Variants in GRID1 observed in about 807,000 individuals in gnomAD.
The protein encoded by GRID1 is glutamate receptor ionotropic, delta-1.
In GRID1, 28 loss-of-function variants were observed where a neutral mutation model predicts 98.0. That is an observed-to-expected ratio of 0.29 (90% CI 0.21 to 0.39). The LOEUF (loss-of-function observed/expected upper bound fraction) is 0.39, where lower values mean the gene tolerates loss of function less well. Among genes scored for constraint, GRID1 ranks in the 10% least tolerant of loss-of-function variants. The probability of loss-of-function intolerance (pLI) is 1.00; values close to 1 mark genes in which losing one functional copy is unlikely to be tolerated. For missense variants in GRID1, 1,111 were observed against 1,340.5 expected, an observed-to-expected ratio of 0.83 and a Z score of 2.67; for synonymous variants, 553 against 538.5, an observed-to-expected ratio of 1.03 and a Z score of -0.37.
At chr10:86,159,858 G>A (rs879460362) in intron 3 of GRID1, among the ~76,000 whole-genome samples, 7 of 152,106 alleles carry the variant, frequency 4.6e-5, no homozygotes, top group Admixed American at 2.6e-4. Flanking sequence ...GGATTCTTAC[G>A]AGAATTAAAT....
intron 8 of GRID1, among the ~76,000 whole-genome samples, chr10:85,787,507 C>T (rs894005944): frequency 1.3e-5 from 2 of 152,154 alleles, no homozygotes; most frequent in Non-Finnish European, 2.9e-5. Flanking sequence ...CTCATCCCTC[C>T]CACAGGAACT....
chr10:86,063,628 C>CT (rs1843678665), intron 4 of GRID1, among the ~76,000 whole-genome samples: 1 of 152,158 alleles, frequency 6.6e-6, no homozygotes. Context: ...GTAAGATATA[C>CT]TTTGCAGCTT....
At chr10:85,877,327 G>A (rs1471912598) in intron 5 of GRID1, among the ~76,000 whole-genome samples, 13 of 152,346 alleles carry the variant, frequency 8.5e-5, no homozygotes, top group South Asian at 8.3e-4. Flanking sequence ...CCTGACCCCC[G>A]AGCAGCCTAA....
chr10:85,793,186 T>C (rs1304378264), intron 8 of GRID1, among the ~76,000 whole-genome samples: 2 of 152,312 alleles, frequency 1.3e-5, no homozygotes, highest in East Asian at 3.9e-4. Flanking sequence ...CGAAATCCAC[T>C]GCCTCAACCA....
At chr10:86,329,313 C>G (rs956878502) in intron 2 of GRID1, among the ~76,000 whole-genome samples, 1 of 152,206 alleles carries the variant, frequency 6.6e-6, no homozygotes, top group Non-Finnish European at 1.5e-5. Flanking sequence ...ATGGGCCCTC[C>G]TCTAGGGCCC....
intron 2 of GRID1, among the ~76,000 whole-genome samples, chr10:86,299,904 C>T (rs1847656980): frequency 6.6e-6 from 1 of 152,160 alleles, no homozygotes; most frequent in Non-Finnish European, 1.5e-5. Flanking sequence ...CTTTCCAATC[C>T]CCTGCCTGGA....
chr10:86,147,978 T>A (rs1275110212), intron 3 of GRID1, among the ~76,000 whole-genome samples: 1 of 152,158 alleles, frequency 6.6e-6, no homozygotes, highest in African/African-American at 2.4e-5. Flanking sequence ...TTCCTCCCCA[T>A]GGAAAGCACA....
At chr10:85,912,964 T>A (rs528424597) in intron 5 of GRID1, among the ~76,000 whole-genome samples, 1 of 152,292 alleles carries the variant, frequency 6.6e-6, no homozygotes, top group South Asian at 2.1e-4. Flanking sequence ...AGGACTTTTG[T>A]GTTCAATTGG....
chr10:85,702,435 A>T (rs115490846), intron 12 of GRID1, among the ~76,000 whole-genome samples: 224 of 152,266 alleles, frequency 1.5e-3, no homozygotes, highest in African/African-American at 4.9e-3. Flanking sequence ...ATGTGGAGTA[A>T]TCATAATACC....
At chr10:85,976,174 T>C (rs994672708) in intron 4 of GRID1, among the ~76,000 whole-genome samples, 2 of 152,262 alleles carry the variant, frequency 1.3e-5, no homozygotes, top group Non-Finnish European at 2.9e-5. Flanking sequence ...TTCTCTAATT[T>C]GATTATTGTT....
intron 5 of GRID1, among the ~76,000 whole-genome samples, chr10:85,887,498 G>A (rs752739485): frequency 1.3e-5 from 2 of 152,180 alleles, no homozygotes; most frequent in Non-Finnish European, 2.9e-5. Context: ...CTCAGAGCTT[G>A]TCAGAAATGC....
intron 8 of GRID1, among the ~76,000 whole-genome samples, chr10:85,775,048 T>C (rs1034433074): frequency 2.0e-5 from 3 of 152,170 alleles, no homozygotes; most frequent in Non-Finnish European, 2.9e-5. Context: ...GAGGCACTAT[T>C]CACAATAGCA....
chr10:86,082,504 C>T (rs942500467), intron 4 of GRID1, among the ~76,000 whole-genome samples: 1 of 152,196 alleles, frequency 6.6e-6, no homozygotes, highest in Non-Finnish European at 1.5e-5. Context: ...CATCTCTCAC[C>T]TGGGCCATTG....
At chr10:85,919,299 A>C (rs1841666877) in intron 4 of GRID1, among the ~76,000 whole-genome samples, 1 of 152,128 alleles carries the variant, frequency 6.6e-6, no homozygotes, top group South Asian at 2.1e-4. Flanking sequence ...TGATCAGAAA[A>C]CCCCACAGGA....
chr10:86,142,072 C>T (rs149559481), intron 3 of GRID1, among the ~76,000 whole-genome samples: 1 of 152,208 alleles, frequency 6.6e-6, no homozygotes, highest in African/African-American at 2.4e-5. Flanking sequence ...TTGAACCATG[C>T]CACCACCATG....
At chr10:85,998,265 C>T (rs1842764058) in intron 4 of GRID1, among the ~76,000 whole-genome samples, 1 of 151,966 alleles carries the variant, frequency 6.6e-6, no homozygotes, top group South Asian at 2.1e-4. Flanking sequence ...CAAATCCTAA[C>T]AAATGTAAAA....
At chr10:85,982,259 A>G (rs1842554504) in intron 4 of GRID1, among the ~76,000 whole-genome samples, 1 of 152,142 alleles carries the variant, frequency 6.6e-6, no homozygotes, top group African/African-American at 2.4e-5. Flanking sequence ...TTGGCTATAC[A>G]GTAGCCATTT....
At chr10:86,125,820 T>C (rs183303586) in intron 4 of GRID1, among the ~76,000 whole-genome samples, 45 of 152,296 alleles carry the variant, frequency 3.0e-4, no homozygotes, top group African/African-American at 1.0e-3. Flanking sequence ...GAGTAGTAAA[T>C]ATATTTTCTC....
At chr10:85,873,003 G>A (rs1000730462) in intron 5 of GRID1, among the ~76,000 whole-genome samples, 17 of 152,292 alleles carry the variant, frequency 1.1e-4, no homozygotes, top group East Asian at 5.8e-4. Flanking sequence ...TTCTCCTTGC[G>A]TAAGTCCCAA....
Sources: gnomAD v4.1 joint callset for allele counts (sites outside exome capture counted in the v4.1 genomes callset) on GRCh38, gnomAD v4.1.1 for gene constraint, MANE v1.5 for transcripts, NCBI Gene and HGNC (gene_info 2026-07-23, HGNC 2026-07-21) for gene names.